Variants in BLZF1 observed in about 807,000 individuals in gnomAD.
BLZF1 encodes the protein golgin-45.
In BLZF1, 39 loss-of-function variants were observed where a neutral mutation model predicts 43.8. That is an observed-to-expected ratio of 0.89 (90% CI 0.69 to 1.16). BLZF1 has a LOEUF of 1.16. Ranked by LOEUF, BLZF1 falls within the 50% of genes most tolerant of loss-of-function variation. The probability of loss-of-function intolerance (pLI) is 0.00; values close to 1 mark genes in which losing one functional copy is unlikely to be tolerated. For missense variants in BLZF1, 449 were observed against 469.8 expected (o/e 0.96, Z 0.41); for synonymous variants, 136 against 159.4 (o/e 0.85, Z 1.11).
downstream of BLZF1, among the ~76,000 whole-genome samples, chr1:169,389,541 C>T (rs1654766969): frequency 6.6e-6 from 1 of 152,178 alleles, no homozygotes; most frequent in Non-Finnish European, 1.5e-5. Context: ...ATGTTGAAAA[C>T]AGTGTGGCAG....
chr1:169,382,257 C>A lies in BLZF1; in HGVS notation c.993C>A (p.Thr331=). 1.2e-6 allele frequency: 2 copies of A among 1,613,494 alleles called. No homozygotes were observed. ...KIPSTVEFCS[T]PAEKMAETVL... ...CATCAACAGTTGAATTCTGCAGCAC[C>A]CCAGCTGAGAAAATGGCTGAAACGG... is the stretch of plus-strand genomic sequence containing the variant. The change falls in exon 6 of 7, where the codon ACC becomes ACA. Residue 331 remains threonine (T), a synonymous_variant. Coordinates refer to ENST00000367808, the MANE Select transcript of BLZF1 (RefSeq NM_001320973.2).
chr1:169,368,556 C>A (rs575578731), intron 1 of BLZF1, among the ~76,000 whole-genome samples: 2 of 152,150 alleles, frequency 1.3e-5, no homozygotes, highest in South Asian at 2.1e-4. Flanking sequence ...GCTCACTCCC[C>A]CTACTTACTT....
At chr1:169,390,702 A>AT (rs954130953), downstream of BLZF1, among the ~76,000 whole-genome samples, 2 of 152,134 alleles carry the variant, frequency 1.3e-5, no homozygotes, top group South Asian at 2.1e-4. Flanking sequence ...CTTAAAAAAA[A>AT]TTTTTTTTCC....
chr1:169,378,378 C>T lies in BLZF1; in HGVS notation c.517C>T (p.Leu173Phe), dbSNP rs1654428319. 3 of 1,612,760 alleles carry T rather than the reference C, an allele frequency of 1.9e-6. No individual in the cohort carries two copies. The highest frequency in any genetic ancestry group is 2.5e-6 in the Non-Finnish European group (3 of 1,179,138). The change falls in exon 4 of 7, where the codon CTT becomes TTT. Residue 173 changes from leucine to phenylalanine, a missense_variant. By Grantham distance (22) the Leu-to-Phe change is conservative. Transcript: ENST00000367808. The stretch of plus-strand genomic sequence containing the variant: ...ACTGGTGGCTTCTGTTGGGGATGAT[C>T]TTCAGTATCACTTTGAACGTCTAGC... ...KLLVASVGDD[L>F]QYHFERLARE...
rs1025675140 is a variant in BLZF1, at chr1:169,369,457, A to G, written c.-50-16A>G. The stretch of plus-strand genomic sequence containing the variant: ...TATGATATTTTTAAAATTATTTCAT[A>G]TGCATACATTTCTAGGTTGTTCAGC... On this transcript the variant is annotated splice_polypyrimidine_tract_variant and intron_variant, in intron 1 of 6. Coordinates refer to ENST00000367808, the MANE Select transcript of BLZF1 (RefSeq NM_001320973.2). The G allele has an allele frequency of 2.3e-6, 3 of 1,315,434 alleles. No individual in the cohort carries two copies. The African/African-American group carries it at 4.5e-5, about 20-fold the overall frequency. 81.5% of individuals were successfully genotyped at this position (1,315,434 alleles called of 1,614,324 possible). A position where few individuals can be genotyped will look rare whatever the true frequency, so the allele number is the denominator to read the frequency against.
intron 7 of BLZF1, chr1:169,394,975 G>A: frequency 7.5e-7 from 1 of 1,328,274 alleles, no homozygotes; most frequent in Non-Finnish European, 1.0e-6. Flanking sequence ...TACAACCAAA[G>A]TACACAGACC....
chr1:169,370,453 C>G (rs1021041750), intron 2 of BLZF1, among the ~76,000 whole-genome samples: 5 of 152,184 alleles, frequency 3.3e-5, no homozygotes, highest in African/African-American at 2.4e-5. Flanking sequence ...TTTTGAGATA[C>G]GTTCTTTTGA....
chr1:169,395,090 A>G lies in BLZF1; in HGVS notation c.*28-804A>G, dbSNP rs748009925. On this transcript the variant is annotated intron_variant, in intron 7 of 7. Coordinates refer to the BLZF1 transcript ENST00000329281. ...AAAACGAAAAGGTTTGGCTTCTGAC[A>G]TATATAGGTGGTGCTGTAACTGTTT... The G allele has an allele frequency of 1.7e-5, 27 of 1,612,082 alleles. No homozygotes were observed. Among genetic ancestry groups the G allele is most frequent in the Non-Finnish European group, 2.2e-5 (26 of 1,179,312 alleles).
At position 169,376,943 on chromosome 1, in the gene BLZF1, A is replaced by G; in HGVS notation, c.432A>G (p.Lys144=). The G allele has an allele frequency of 6.2e-7, 1 of 1,613,250 alleles. No individual in the cohort carries two copies. Among genetic ancestry groups the G allele is most frequent in the Non-Finnish European group, 8.5e-7 (1 of 1,179,486 alleles). The change falls in exon 3 of 7, where the codon AAA becomes AAG. Residue 144 remains lysine (K), a synonymous_variant. Transcript: ENST00000367808. The stretch of plus-strand genomic sequence containing the variant: ...CTGAAAGAAGGTTACTACAGGACAA[A>G]GAAGGTCTTTCAAACCAGCTCCGTG... ...KNSERRLLQD[K]EGLSNQLRVQ...
chr1:169,375,399 T>TATATAAAAC (rs1448796833), intron 2 of BLZF1, among the ~76,000 whole-genome samples: 2 of 63,952 alleles, frequency 3.1e-5, no homozygotes, highest in Admixed American at 2.0e-4. Flanking sequence ...AAAACATATA[T>TATATAAAAC]ATATATATAT....
chr1:169,378,465 T>TC lies in BLZF1; in HGVS notation c.605dup (p.Glu203Ter). Reference sequence around the variant, plus strand: ...CCTAGGTCGAAACACAGCTCAGCTTTCTGAACAGTTAGAACGTATGTCAAT... The same window carrying TC: ...CCTAGGTCGAAACACAGCTCAGCTTTCCTGAACAGTTAGAACGTATGTCAAT... On this transcript the variant is annotated frameshift_variant, in exon 4 of 7. Transcript: ENST00000367808. LOFTEE classifies it high-confidence loss of function. The TC allele has an allele frequency of 6.2e-7, 1 of 1,612,980 alleles. No individual in the cohort carries two copies. The highest frequency in any genetic ancestry group is 8.5e-7 in the Non-Finnish European group (1 of 1,179,168).
At chr1:169,393,323 TA>T (rs943575742) in intron 7 of BLZF1, among the ~76,000 whole-genome samples, 1 of 151,878 alleles carries the variant, frequency 6.6e-6, no homozygotes, top group Non-Finnish European at 1.5e-5. Context: ...TGCAGTGACT[TA>T]CACCTGTAAT....
intron 7 of BLZF1, among the ~76,000 whole-genome samples, chr1:169,393,351 G>A (rs1402738477): frequency 2.0e-5 from 3 of 151,922 alleles, no homozygotes; most frequent in Non-Finnish European, 2.9e-5. Context: ...ACTTTGGGAG[G>A]CTGAGGCAGG....
intron 2 of BLZF1, among the ~76,000 whole-genome samples, chr1:169,375,227 C>A (rs1654259273): frequency 6.7e-6 from 1 of 150,280 alleles, no homozygotes; most frequent in Non-Finnish European, 1.5e-5. Context: ...ATATTCTAGC[C>A]ATAAAATAAA....
At chr1:169,392,322 T>C (rs1341564503), downstream of BLZF1, among the ~76,000 whole-genome samples, 2 of 152,192 alleles carry the variant, frequency 1.3e-5, no homozygotes, top group African/African-American at 4.8e-5. Context: ...GGACTGACAC[T>C]TCCCAATTTC....
At chr1:169,388,375 C>T (rs1433974152), downstream of BLZF1, 1 of 152,016 alleles carries the variant, frequency 6.6e-6, no homozygotes, top group African/African-American at 2.4e-5. Context: ...TAACTACTTC[C>T]AATTGATTCT....
downstream of BLZF1, among the ~76,000 whole-genome samples, chr1:169,390,013 GATAAAC>G (rs1654779966): frequency 6.6e-6 from 1 of 152,116 alleles, no homozygotes; most frequent in Admixed American, 6.6e-5. Context: ...ATGTTCTGGA[GATAAAC>G]AGTGATGATG....
chr1:169,389,081 C>T (rs748815150), downstream of BLZF1, among the ~76,000 whole-genome samples: 9 of 151,852 alleles, frequency 5.9e-5, no homozygotes, highest in Non-Finnish European at 1.2e-4. Context: ...GAGATCGCGC[C>T]GCTGCACTCC....
chr1:169,386,816 A>G (rs1011486367), intron 6 of BLZF1, among the ~76,000 whole-genome samples, 181 bp from the exon 7 acceptor site: 4 of 152,122 alleles, frequency 2.6e-5, no homozygotes, highest in African/African-American at 7.2e-5. Context: ...ATCAGACATC[A>G]TTGTTAAATT....
Sources: gnomAD v4.1 joint callset for allele counts (sites outside exome capture counted in the v4.1 genomes callset) on GRCh38, gnomAD v4.1.1 for gene constraint, MANE v1.5 for transcripts, NCBI Gene and HGNC (gene_info 2026-07-23, HGNC 2026-07-21) for gene names.